Variants in KLHL6 observed in about 807,000 individuals in gnomAD.
KLHL6 encodes kelch like family member 6, also known as kelch-like protein 6.
KLHL6 carries 41 observed loss-of-function variants against 58.6 expected under a neutral mutation model. The observed-to-expected ratio is 0.70, with a 90% confidence interval of 0.55 to 0.91. The LOEUF (loss-of-function observed/expected upper bound fraction) is 0.91. Ranked by LOEUF, KLHL6 falls within the 40% of genes least tolerant of loss-of-function variation. KLHL6 has a pLI of 0.00. For missense variants in KLHL6, 714 were observed against 805.6 expected (o/e 0.89, Z 1.38); for synonymous variants, 338 against 322.7 (o/e 1.05, Z -0.51).
intron 2 of KLHL6, among the ~76,000 whole-genome samples, chr3:183,510,597 G>A (rs551548646): frequency 1.2e-3 from 188 of 152,130 alleles, no homozygotes; most frequent in Middle Eastern, 6.8e-3. Context: ...TTTTTAGGCC[G>A]GGCGCGGTGG....
rs1160116051 is a variant in KLHL6 at position 183,531,445 on chromosome 3, T to A, written c.294-3435A>T. 9.2e-5 allele frequency among the ~76,000 whole-genome samples: 11 copies of A among 119,446 alleles called. 3 individuals carry two copies. Among genetic ancestry groups the A allele is most frequent in the African/African-American group, 1.2e-4 (3 of 24,496 alleles). 78.4% of individuals were successfully genotyped at this position (119,446 alleles called of 152,430 possible). On this transcript the variant is annotated intron_variant, in intron 1 of 6. Coordinates refer to ENST00000341319, the MANE Select transcript of KLHL6 (RefSeq NM_130446.4). Reference sequence around the variant, plus strand: ...CTTTCTGTTCTTTTTTTGTCTGTGTTTTTTTTTTTTTTTTTTTTTTTTGAG... The same window carrying A: ...CTTTCTGTTCTTTTTTTGTCTGTGTATTTTTTTTTTTTTTTTTTTTTTGAG...
At chr3:183,525,265 A>ACACACACACACACACACAC (rs1553811014) in intron 2 of KLHL6, among the ~76,000 whole-genome samples, 542 of 52,536 alleles carry the variant, frequency 0.01, 2 homozygotes, top group African/African-American at 0.017. Context: ...CTCTCTAAAA[A>ACACACACACACACACACAC]AAAAACACAC....
rs1717458688 is a variant in KLHL6, at chr3:183,488,502, C to T, written c.*3425G>A. On this transcript the variant is annotated 3_prime_UTR_variant, in exon 7 of 7. Coordinates refer to ENST00000341319, the MANE Select transcript of KLHL6 (RefSeq NM_130446.4). ...CTTGGAACCTGACCTCCTCCTACCC[C>T]ATCTTCTTCTTCCCAGCCAGGGGTG... 6.5e-6 allele frequency: 1 copy of T among 152,676 alleles called. No homozygotes were observed. The highest frequency in any genetic ancestry group is 2.1e-4 in the South Asian group (1 of 4,832). The allele number at this position is 152,676 out of a possible 1,614,324, so 9.5% of individuals were successfully genotyped here. A position where few individuals can be genotyped will look rare whatever the true frequency, so the allele number is the denominator to read the frequency against.
chr3:183,522,155 G>C (rs7647563), intron 2 of KLHL6: 1 of 150,614 alleles, frequency 6.6e-6, no homozygotes, highest in Non-Finnish European at 1.5e-5. Flanking sequence ...GTGAAACCCC[G>C]TCTCTAATAA....
At chr3:183,497,166 C>T (rs1454953293) in intron 4 of KLHL6, among the ~76,000 whole-genome samples, 1 of 152,156 alleles carries the variant, frequency 6.6e-6, no homozygotes, top group East Asian at 1.9e-4. Context: ...AATCCCAGCA[C>T]TTTGGGAGGC....
intron 1 of KLHL6, among the ~76,000 whole-genome samples, chr3:183,551,578 G>T (rs1171110258): frequency 2.6e-5 from 4 of 152,216 alleles, no homozygotes; most frequent in African/African-American, 9.6e-5. Flanking sequence ...CTCTTGTTGT[G>T]ATAACATTAT....
At chr3:183,543,636 C>T (rs1712624860) in intron 1 of KLHL6, among the ~76,000 whole-genome samples, 1 of 151,586 alleles carries the variant, frequency 6.6e-6, no homozygotes. Context: ...GGGCCTCCAC[C>T]TCTCCCAAAA....
At position 183,525,269 on chromosome 3, in the gene KLHL6, A is replaced by AAC. The variant is rs1553811030; in HGVS notation, c.459+2574_459+2575dup. On this transcript the variant is annotated intron_variant, in intron 2 of 6. Coordinates refer to ENST00000341319, the MANE Select transcript of KLHL6 (RefSeq NM_130446.4). ...ACAGAGTGAGACTCTCTAAAAAAAAAACACACACACACACACACACACACA... is the reference window on the plus strand; with the variant it reads ...ACAGAGTGAGACTCTCTAAAAAAAAAACACACACACACACACACACACACACA... Among the ~76,000 whole-genome samples, 844 of 133,852 alleles carry AAC rather than the reference A, an allele frequency of 6.3e-3. 12 individuals carry two copies. The highest frequency in any genetic ancestry group is 0.055 in the East Asian group (263 of 4,786). 87.8% of individuals were successfully genotyped at this position (133,852 alleles called of 152,430 possible).
intron 5 of KLHL6, 194 bp downstream of exon 5, chr3:183,493,885 T>A: frequency 1.6e-6 from 1 of 617,100 alleles, no homozygotes; most frequent in East Asian, 2.7e-5. Flanking sequence ...GGAAGGACAT[T>A]GTTTCTGTGA....
chr3:183,554,609 T>C (rs1193880183), intron 1 of KLHL6, among the ~76,000 whole-genome samples: 5 of 152,152 alleles, frequency 3.3e-5, no homozygotes, highest in Non-Finnish European at 7.3e-5. Context: ...TGCCTACACA[T>C]AAAGAAGCCC....
intron 2 of KLHL6, among the ~76,000 whole-genome samples, chr3:183,515,984 T>C (rs971659281): frequency 6.6e-6 from 1 of 152,240 alleles, no homozygotes. Context: ...GAATTAGCAT[T>C]TGTATAAAGG....
intron 3 of KLHL6, among the ~76,000 whole-genome samples, chr3:183,503,528 C>T (rs1717925387): frequency 6.6e-6 from 1 of 152,144 alleles, no homozygotes; most frequent in Non-Finnish European, 1.5e-5. Flanking sequence ...ACCTGTAATC[C>T]CAGCACTTTG....
intron 2 of KLHL6, among the ~76,000 whole-genome samples, chr3:183,512,906 A>G (rs1485441985): frequency 6.6e-6 from 1 of 152,088 alleles, no homozygotes; most frequent in African/African-American, 2.4e-5. Context: ...GAAAGGGAGA[A>G]TTACTTTACC....
chr3:183,515,962 G>A (rs924959591), intron 2 of KLHL6, among the ~76,000 whole-genome samples: 1 of 152,188 alleles, frequency 6.6e-6, no homozygotes, highest in African/African-American at 2.4e-5. Context: ...AGGTAAAAAA[G>A]GGAAGGTGTT....
intron 2 of KLHL6, 31 bp downstream of exon 2, chr3:183,527,814 A>C (rs1712026093): frequency 6.2e-7 from 1 of 1,610,230 alleles, no homozygotes; most frequent in South Asian, 1.1e-5. Context: ...CCTGCTTCAG[A>C]GAAGAGCACT....
intron 2 of KLHL6, among the ~76,000 whole-genome samples, chr3:183,513,975 G>A (rs563861512): frequency 6.6e-6 from 1 of 152,214 alleles, no homozygotes; most frequent in East Asian, 1.9e-4. Context: ...GCGTTGTTTG[G>A]TTTTCTGTTC....
chr3:183,525,823 G>A (rs1397013578), intron 2 of KLHL6, among the ~76,000 whole-genome samples: 5 of 152,210 alleles, frequency 3.3e-5, no homozygotes, highest in Admixed American at 3.3e-4. Flanking sequence ...AGTAAGATGC[G>A]AAACAGGATG....
intron 3 of KLHL6, among the ~76,000 whole-genome samples, chr3:183,507,723 C>T (rs966869697): frequency 6.6e-6 from 1 of 152,132 alleles, no homozygotes; most frequent in Non-Finnish European, 1.5e-5. Context: ...TGTGAGCCAC[C>T]AGGCCCGGCC....
At chr3:183,519,486 T>C (rs575755321) in intron 2 of KLHL6, among the ~76,000 whole-genome samples, 33 of 152,330 alleles carry the variant, frequency 2.2e-4, no homozygotes, top group African/African-American at 7.7e-4. Context: ...TGGAACTATA[T>C]AAGCAACCCG....
Sources: gnomAD v4.1 joint callset for allele counts (sites outside exome capture counted in the v4.1 genomes callset) on GRCh38, gnomAD v4.1.1 for gene constraint, MANE v1.5 for transcripts, NCBI Gene and HGNC (gene_info 2026-07-23, HGNC 2026-07-21) for gene names.